The following ADGRL3 variants were observed in gnomAD, a reference collection of about 807,000 sequenced individuals.
ADGRL3 encodes calcium-independent alpha-latrotoxin receptor 3.
ADGRL3 carries 62 observed loss-of-function variants against 153.5 expected under a neutral mutation model. The ratio of observed to expected loss-of-function variants is 0.40; its 90% CI spans 0.33 to 0.50. The LOEUF is 0.50. Among genes scored for constraint, ADGRL3 ranks in the 20% least tolerant of loss-of-function variants. The pLI is 0.47. For missense variants in ADGRL3, 1,641 were observed against 1,859.4 expected (o/e 0.88, Z 2.16); for synonymous variants, 710 against 672.5 (o/e 1.06, Z -0.86).
chr4:61,322,409 C>T (rs2095377295), intron 1 of ADGRL3, among the ~76,000 whole-genome samples: 1 of 152,186 alleles, frequency 6.6e-6, no homozygotes, highest in African/African-American at 2.4e-5. Flanking sequence ...CACCTAAAGT[C>T]TCAACTAATT....
At chr4:61,535,089 A>G (rs1482020947) in intron 4 of ADGRL3, among the ~76,000 whole-genome samples, 1 of 116,244 alleles carries the variant, frequency 8.6e-6, no homozygotes, top group Non-Finnish European at 1.8e-5. Flanking sequence ...TATATGGCTC[A>G]TATTATATTG....
chr4:61,747,169 ATC>A (rs1349773700), intron 8 of ADGRL3, among the ~76,000 whole-genome samples: 1 of 152,032 alleles, frequency 6.6e-6, no homozygotes, highest in African/African-American at 2.4e-5. Flanking sequence ...AAGAAGTTGA[ATC>A]TCTGAATAGA....
intron 8 of ADGRL3, among the ~76,000 whole-genome samples, chr4:61,796,857 TA>T (rs1011495767): frequency 4.6e-5 from 7 of 152,264 alleles, no homozygotes; most frequent in African/African-American, 1.4e-4. Context: ...TACAAAAGGA[TA>T]AAAAAATACA....
rs985403185 is a variant in ADGRL3, at chr4:62,068,081, A to G, written c.3815-85A>G. On this transcript the variant is annotated intron_variant, in intron 25 of 26. Coordinates refer to ENST00000683033, the MANE Select transcript of ADGRL3 (RefSeq NM_001387552.1). ...TGACTCTTTTTTCTGCATATCATCA[A>G]TTTGCTTTTTACTCATGTTTCTTCT... The G allele has an allele frequency of 2.5e-5, 21 of 857,054 alleles. No individual in the cohort carries two copies. The African/African-American group carries it at 3.3e-4, about 13-fold the overall frequency. The allele number at this position is 857,054 out of a possible 1,614,324, so 53.1% of individuals were successfully genotyped here.
At chr4:61,713,661 T>G (rs2096048910) in intron 6 of ADGRL3, among the ~76,000 whole-genome samples, 1 of 152,070 alleles carries the variant, frequency 6.6e-6, no homozygotes, top group African/African-American at 2.4e-5. Context: ...CGATGATTTT[T>G]CAAAGTTCCT....
intron 2 of ADGRL3, among the ~76,000 whole-genome samples, chr4:61,494,487 T>C (rs2098291842): frequency 6.6e-6 from 1 of 152,220 alleles, no homozygotes; most frequent in African/African-American, 2.4e-5. Context: ...AGCTGTCAGT[T>C]ATTTTGTGCA....
intron 17 of ADGRL3, among the ~76,000 whole-genome samples, chr4:61,958,159 C>A (rs900153804): frequency 6.6e-6 from 1 of 152,246 alleles, no homozygotes; most frequent in Non-Finnish European, 1.5e-5. Context: ...ACTGTGACTT[C>A]CTCCTATTAG....
intron 4 of ADGRL3, among the ~76,000 whole-genome samples, chr4:61,533,561 C>A (rs554591013): frequency 6.6e-6 from 1 of 152,138 alleles, no homozygotes; most frequent in Admixed American, 6.5e-5. Flanking sequence ...TGAATAAAAT[C>A]TAAATAAATT....
At chr4:61,274,877 C>T (rs552395022) in intron 1 of ADGRL3, among the ~76,000 whole-genome samples, 20 of 152,244 alleles carry the variant, frequency 1.3e-4, no homozygotes, top group African/African-American at 4.8e-4. Flanking sequence ...CTGCAGTGAT[C>T]ATGCCACTGC....
At chr4:61,824,831 A>G (rs1302694081) in intron 9 of ADGRL3, among the ~76,000 whole-genome samples, 8 of 152,240 alleles carry the variant, frequency 5.3e-5, no homozygotes, top group African/African-American at 1.7e-4. Flanking sequence ...GATAAAAATT[A>G]TATTCGGTAA....
chr4:61,503,043 A>T (rs1656478738), intron 3 of ADGRL3, among the ~76,000 whole-genome samples: 1 of 152,182 alleles, frequency 6.6e-6, no homozygotes, highest in South Asian at 2.1e-4. Context: ...CATCCACATT[A>T]GCCAGTGGGT....
At chr4:62,011,817 G>T (rs2151261477) in intron 21 of ADGRL3, among the ~76,000 whole-genome samples, 1 of 152,032 alleles carries the variant, frequency 6.6e-6, no homozygotes, top group South Asian at 2.1e-4. Context: ...GTCTTAATCA[G>T]AAAATACAAT....
At chr4:61,662,453 A>G (rs13124636) in intron 5 of ADGRL3, among the ~76,000 whole-genome samples, 6,242 of 152,308 alleles carry the variant, frequency 0.041, 186 homozygotes, top group Non-Finnish European at 0.062. Flanking sequence ...AGGTGTGTGC[A>G]TACTCAGGGC....
At chr4:61,222,197 G>T (rs1025511905) in intron 1 of ADGRL3, among the ~76,000 whole-genome samples, 10 of 152,130 alleles carry the variant, frequency 6.6e-5, no homozygotes, top group Admixed American at 3.9e-4. Flanking sequence ...GAACACTGTG[G>T]TCTGGTCAAG....
intron 4 of ADGRL3, among the ~76,000 whole-genome samples, chr4:61,556,813 C>T (rs1413394848): frequency 6.6e-6 from 1 of 152,074 alleles, no homozygotes; most frequent in Non-Finnish European, 1.5e-5. Context: ...TGGTGGGTGC[C>T]CACTTTGGAG....
At chr4:61,259,173 C>A (rs1339709988) in intron 1 of ADGRL3, among the ~76,000 whole-genome samples, 8 of 152,050 alleles carry the variant, frequency 5.3e-5, no homozygotes. Context: ...GCCTGTAATC[C>A]CAGCACTTTG....
chr4:61,592,272 C>T (rs1044828028), intron 5 of ADGRL3, among the ~76,000 whole-genome samples: 26 of 152,070 alleles, frequency 1.7e-4, no homozygotes, highest in Non-Finnish European at 3.7e-4. Flanking sequence ...TTGGAGGGTA[C>T]ATAGCCTAGT....
intron 9 of ADGRL3, among the ~76,000 whole-genome samples, chr4:61,839,803 T>G (rs1016995134): frequency 6.6e-6 from 1 of 151,658 alleles, no homozygotes; most frequent in East Asian, 2.0e-4. Flanking sequence ...AAATTAAATT[T>G]GCTGTACATG....
chr4:61,886,395 G>T (rs892521531), intron 9 of ADGRL3, among the ~76,000 whole-genome samples: 4 of 152,062 alleles, frequency 2.6e-5, no homozygotes, highest in Non-Finnish European at 1.5e-5. Context: ...GTGGACTTTG[G>T]ATGTAAATGA....
Sources: gnomAD v4.1 joint callset for allele counts (sites outside exome capture counted in the v4.1 genomes callset) on GRCh38, gnomAD v4.1.1 for gene constraint, MANE v1.5 for transcripts, NCBI Gene and HGNC (gene_info 2026-07-23, HGNC 2026-07-21) for gene names.